MARCO: variants seen among roughly 807,000 people sequenced by gnomAD.
MARCO encodes the protein macrophage receptor with collagenous structure, also known as macrophage receptor MARCO.
A neutral mutation model predicts 70.0 loss-of-function variants in MARCO; 72 were observed. That is an observed-to-expected ratio of 1.03 (90% CI 0.85 to 1.25). MARCO has a LOEUF of 1.25. MARCO is among the 50% of genes most tolerant of loss of function. MARCO has a pLI of 0.00. For synonymous variants in MARCO, 273 were observed against 243.1 expected (o/e 1.12, Z -1.14); for missense variants, 696 against 659.3 (o/e 1.06, Z -0.61).
At chr2:118,972,850 A>G (rs1680198773) in intron 4 of MARCO, among the ~76,000 whole-genome samples, 1 of 152,154 alleles carries the variant, frequency 6.6e-6, no homozygotes, top group Non-Finnish European at 1.5e-5. Context: ...TCTCAACCCA[A>G]TGGGTTCAGT....
In MARCO at chr2:118,942,374, C is replaced by T; in HGVS notation, c.74C>T (p.Ala25Val). The T allele has an allele frequency of 6.2e-7, 1 of 1,613,316 alleles. No homozygotes were observed. Among genetic ancestry groups the T allele is most frequent in the Non-Finnish European group, 8.5e-7 (1 of 1,179,382 alleles). ...CAACAAGCTGCTTTTCACCAAATTG[C>T]AATGGAGCCTTTCGAAATCAATGGT... ...ETQQAAFHQIAMEPFEINVPK... is the reference protein window; with the variant it reads ...ETQQAAFHQIVMEPFEINVPK... Residue 25 changes from alanine to valine, a missense_variant, in exon 1 of 17, where the codon GCA becomes GTA. By Grantham distance (64) the Ala-to-Val change is moderately conservative. Coordinates refer to ENST00000327097, the MANE Select transcript of MARCO (RefSeq NM_006770.4).
At position 118,943,399 on chromosome 2, in the gene MARCO, C is replaced by T. The variant is rs138699668; in HGVS notation, c.97+1002C>T. ...GACTGTTTAAGAGACTGAAGATGTT[C>T]AAGCAAAGTCAGCTGATCAAGCATA... On this transcript the variant is annotated intron_variant, in intron 1 of 16. Coordinates refer to ENST00000327097, the MANE Select transcript of MARCO (RefSeq NM_006770.4). Among the ~76,000 whole-genome samples the T allele has an allele frequency of 3.3e-5, 5 of 152,328 alleles. No individual in the cohort carries two copies. The East Asian group carries it at 9.6e-4, about 29-fold the overall frequency.
At chr2:118,952,863 G>A (rs1476067994) in intron 1 of MARCO, 2 of 152,126 alleles carry the variant, frequency 1.3e-5, no homozygotes, top group Admixed American at 1.3e-4. Context: ...AAAATTGTTA[G>A]AAATACATCA....
chr2:118,953,635 A>C (rs553324552), intron 1 of MARCO, among the ~76,000 whole-genome samples: 1 of 152,200 alleles, frequency 6.6e-6, no homozygotes, highest in Non-Finnish European at 1.5e-5. Flanking sequence ...TTTTAGCTCC[A>C]TATCAACTGC....
intron 12 of MARCO, among the ~76,000 whole-genome samples, chr2:118,982,734 A>C (rs902784189): frequency 6.6e-6 from 1 of 152,172 alleles, no homozygotes; most frequent in South Asian, 2.1e-4. Context: ...GTCTCCTGCT[A>C]ACCCTTCATT....
chr2:118,960,354 G>T (rs1236099796), intron 1 of MARCO, among the ~76,000 whole-genome samples: 1 of 152,128 alleles, frequency 6.6e-6, no homozygotes, highest in African/African-American at 2.4e-5. Context: ...TAAGGGAAAA[G>T]TGTCCTGTCT....
chr2:118,978,711 A>G (rs1680334203), intron 8 of MARCO, among the ~76,000 whole-genome samples: 1 of 152,228 alleles, frequency 6.6e-6, no homozygotes, highest in South Asian at 2.1e-4. Flanking sequence ...TTAAAAAATA[A>G]TTAAATTAGA....
chr2:118,971,983 C>T (rs1014132776), intron 4 of MARCO, among the ~76,000 whole-genome samples: 38 of 152,318 alleles, frequency 2.5e-4, no homozygotes, highest in African/African-American at 4.6e-4. Context: ...GTCATGGAGG[C>T]GCAGGCTGTG....
At chr2:118,965,526 C>T (rs919707378) in intron 1 of MARCO, among the ~76,000 whole-genome samples, 6 of 152,174 alleles carry the variant, frequency 3.9e-5, no homozygotes, top group African/African-American at 1.4e-4. Flanking sequence ...ATAGTTTTAA[C>T]ATCTGTGTCA....
intron 4 of MARCO, 115 bp downstream of exon 4, chr2:118,971,649 G>A (rs989854857): frequency 3.1e-6 from 3 of 969,950 alleles, no homozygotes; most frequent in East Asian, 2.6e-5. Context: ...ACCTTCCCCT[G>A]TCTCCACAGC....
chr2:118,982,262 C>A lies in MARCO; in HGVS notation c.1000+8C>A, dbSNP rs559728313. 85 of 1,612,756 alleles carry A rather than the reference C, an allele frequency of 5.3e-5. No homozygotes were observed. The East Asian group carries it at 1.8e-3, about 33-fold the overall frequency. ...GCTCCCCTGGGCGAGCAGGTGAGGT[C>A]CTGGGTCCTATGGTGGGCACAGGGA... On this transcript the variant is annotated splice_region_variant and intron_variant, in intron 11 of 16. Coordinates refer to ENST00000327097, the MANE Select transcript of MARCO (RefSeq NM_006770.4).
chr2:118,989,690 G>C (rs533987094), intron 12 of MARCO, among the ~76,000 whole-genome samples: 65 of 152,310 alleles, frequency 4.3e-4, no homozygotes, highest in African/African-American at 1.5e-3. Context: ...CTGCAAGGAG[G>C]TTGACTGAGC....
At position 118,977,944 on chromosome 2, in the gene MARCO, C is replaced by A. The variant is rs759198550; in HGVS notation, c.766+9C>A. 10 of 1,575,026 alleles carry A rather than the reference C, an allele frequency of 6.3e-6. No individual in the cohort carries two copies. Among genetic ancestry groups the A allele is most frequent in the Non-Finnish European group, 8.7e-6 (10 of 1,153,448 alleles). ...AGACCTGGGTCTCCCAGGTGAGGGC[C>A]GTATTGGGGGTGTCGGTGCTTGCCA... On this transcript the variant is annotated intron_variant, in intron 8 of 16. Transcript: ENST00000327097.
intron 3 of MARCO, among the ~76,000 whole-genome samples, chr2:118,970,608 A>G (rs1275503843): frequency 6.6e-6 from 1 of 152,124 alleles, no homozygotes; most frequent in Admixed American, 6.5e-5. Context: ...TTGGGGAGAG[A>G]GCAACTGAAG....
intron 1 of MARCO, among the ~76,000 whole-genome samples, chr2:118,968,096 T>C (rs1680090182): frequency 6.6e-6 from 1 of 152,152 alleles, no homozygotes; most frequent in Admixed American, 6.5e-5. Flanking sequence ...TGGTTAGAGA[T>C]GATGTTGGTA....
chr2:118,956,240 C>T (rs977246824), intron 1 of MARCO, among the ~76,000 whole-genome samples: 1 of 152,134 alleles, frequency 6.6e-6, no homozygotes, highest in African/African-American at 2.4e-5. Flanking sequence ...CTGCTAACTT[C>T]AGGAGACTCA....
At chr2:118,977,692 T>C (rs1680311708) in intron 7 of MARCO, 136 bp from the exon 8 acceptor site, 1 of 719,658 alleles carries the variant, frequency 1.4e-6, no homozygotes, top group Non-Finnish European at 2.2e-6. Flanking sequence ...ACCCAAGAAA[T>C]GAGCTAGCAC....
rs1428678256 is a variant in MARCO at position 118,991,863 on chromosome 2, C to G, written c.1195C>G (p.Gln399Glu). The change falls in exon 14 of 17, where the codon CAG becomes GAG. Residue 399 changes from glutamine to glutamate, a missense_variant. Physicochemically the swap from Gln to Glu is conservative, Grantham distance 29 (BLOSUM62 2). This residue lies in a region of MARCO where 605 missense variants were observed against 537.6 expected (regional missense o/e 1.13). Coordinates refer to ENST00000327097, the MANE Select transcript of MARCO (RefSeq NM_006770.4). ...TGGACAAGCTGGCCAGAAGGGAGAC[C>G]AGGGAGTGAAAGGTAAGGCCTCTGC... is the stretch of plus-strand genomic sequence containing the variant. ...APGQAGQKGD[Q>E]GVKGSSGEQG... The G allele has an allele frequency of 6.3e-7, 1 of 1,596,408 alleles. No individual in the cohort carries two copies. The highest frequency in any genetic ancestry group is 1.1e-5 in the South Asian group (1 of 86,994).
chr2:118,990,562 C>G, intron 12 of MARCO, 27 bp from the exon 13 acceptor site: 3 of 1,496,580 alleles, frequency 2.0e-6, no homozygotes, highest in Non-Finnish European at 2.8e-6. Context: ...TATCTCCTCC[C>G]CCCCCCCTTT....
Sources: allele counts gnomAD v4.1 joint callset (sites outside exome capture counted in the v4.1 genomes callset), GRCh38; gene constraint gnomAD v4.1.1; regional missense constraint gnomAD v4.1.1; transcripts MANE v1.5; gene names NCBI Gene and HGNC (gene_info 2026-07-23, HGNC 2026-07-21).